The following IHO1 variants were observed in gnomAD, a reference collection of about 807,000 sequenced individuals.
IHO1 encodes the protein interactor of HORMAD1 1.
In IHO1, 13 loss-of-function variants were observed where a neutral mutation model predicts 31.0. That is an observed-to-expected ratio of 0.42 (90% CI 0.27 to 0.67). The LOEUF (loss-of-function observed/expected upper bound fraction) is 0.67. Ranked by LOEUF, IHO1 falls within the 30% of genes least tolerant of loss-of-function variation. The pLI, the probability that IHO1 is intolerant of heterozygous loss-of-function variation, is 0.24. For missense variants in IHO1, 599 were observed against 687.5 expected (o/e 0.87, Z 1.44); for synonymous variants, 221 against 248.4 (o/e 0.89, Z 1.04).
At chr3:49,214,065 A>G (rs1212089016) in intron 2 of IHO1, 1 of 233,018 alleles carries the variant, frequency 4.3e-6, no homozygotes, top group East Asian at 1.2e-4. Flanking sequence ...TGCTTTTTTT[A>G]TTCTGTCCAT....
At chr3:49,241,054 AT>A (rs1245996701) in intron 3 of IHO1, among the ~76,000 whole-genome samples, 171 bp from the exon 4 acceptor site, 1 of 152,206 alleles carries the variant, frequency 6.6e-6, no homozygotes, top group Non-Finnish European at 1.5e-5. Context: ...CAGTTGCTTT[AT>A]TTTAAATATA....
chr3:49,245,871 G>T (rs2046687190), intron 6 of IHO1: 1 of 152,124 alleles, frequency 6.6e-6, no homozygotes, highest in African/African-American at 2.4e-5. Flanking sequence ...CACACACAGG[G>T]CATATGCATC....
intron 3 of IHO1, among the ~76,000 whole-genome samples, chr3:49,237,503 A>T (rs908687830): frequency 1.3e-5 from 2 of 152,186 alleles, no homozygotes; most frequent in South Asian, 2.1e-4. Context: ...CATTTGACTT[A>T]ATAGTCTGAA....
At chr3:49,226,163 C>T (rs2107705872) in intron 2 of IHO1, among the ~76,000 whole-genome samples, 1 of 152,270 alleles carries the variant, frequency 6.6e-6, no homozygotes, top group East Asian at 1.9e-4. Context: ...GTTGGTTTGT[C>T]TGAGTGCCAT....
upstream of IHO1, among the ~76,000 whole-genome samples, chr3:49,197,683 T>G (rs2046007698): frequency 6.6e-6 from 1 of 152,002 alleles, no homozygotes; most frequent in Non-Finnish European, 1.5e-5. Context: ...GAGACCAGCC[T>G]GACCAACATG....
chr3:49,247,986 G>A (rs538137487), intron 6 of IHO1, among the ~76,000 whole-genome samples: 194 of 151,984 alleles, frequency 1.3e-3, no homozygotes, highest in Non-Finnish European at 2.5e-3. Flanking sequence ...TTAGCCATGC[G>A]TGATGGCTGG....
chr3:49,239,853 GT>G (rs1460806822), intron 3 of IHO1, among the ~76,000 whole-genome samples: 1 of 151,846 alleles, frequency 6.6e-6, no homozygotes, highest in Non-Finnish European at 1.5e-5. Context: ...TAGAGACGGG[GT>G]TTCTCCATGT....
chr3:49,191,536 C>A, the IHO1 span: 1 of 686,984 alleles, frequency 1.5e-6, no homozygotes, highest in Non-Finnish European at 2.7e-6. Context: ...TTCAGGAGAC[C>A]ATGATGCATG....
intron 4 of IHO1, among the ~76,000 whole-genome samples, chr3:49,243,484 C>T (rs1034648365): frequency 2.0e-5 from 3 of 151,832 alleles, no homozygotes; most frequent in Non-Finnish European, 2.9e-5. Flanking sequence ...TGTGGCCAGG[C>T]GCGGTGGCTC....
chr3:49,222,673 T>C (rs2046366971), intron 2 of IHO1, among the ~76,000 whole-genome samples: 1 of 152,224 alleles, frequency 6.6e-6, no homozygotes, highest in Non-Finnish European at 1.5e-5. Context: ...AGGTTTTCAC[T>C]TATCTTTTTT....
intron 3 of IHO1, among the ~76,000 whole-genome samples, chr3:49,238,140 A>G (rs779801657): frequency 1.1e-4 from 16 of 151,768 alleles, no homozygotes; most frequent in Non-Finnish European, 2.2e-4. Context: ...CTAACCTCAG[A>G]TGATCTGCTC....
chr3:49,200,496 A>G lies in IHO1; in HGVS notation c.-16+923A>G, dbSNP rs1472387031. The G allele has an allele frequency of 1.4e-5, 10 of 735,534 alleles. No homozygotes were observed. In the East Asian group the frequency reaches 4.0e-4, roughly 29 times the overall value. 45.6% of individuals were successfully genotyped at this position (735,534 alleles called of 1,614,324 possible). On this transcript the variant is annotated intron_variant, in intron 1 of 7. Coordinates refer to ENST00000452691, the MANE Select transcript of IHO1 (RefSeq NM_001135197.2). Reference sequence around the variant, plus strand: ...AAAAAAAAGAAAGAAAGAAAGAAAGAAAGAAAGAAAGAAAGAAAGAAAAGA... The same window carrying G: ...AAAAAAAAGAAAGAAAGAAAGAAAGGAAGAAAGAAAGAAAGAAAGAAAAGA...
intron 2 of IHO1, among the ~76,000 whole-genome samples, chr3:49,235,528 G>A (rs1470299175): frequency 5.3e-5 from 8 of 151,880 alleles, no homozygotes; most frequent in African/African-American, 1.7e-4. Context: ...GCACCCGGCC[G>A]ATTATATATA....
In IHO1 at chr3:49,241,256, A is replaced by G; in HGVS notation, c.262A>G (p.Thr88Ala). 1.2e-6 allele frequency: 2 copies of G among 1,612,128 alleles called. No homozygotes were observed. The highest frequency in any genetic ancestry group is 1.7e-6 in the Non-Finnish European group (2 of 1,179,408). ...ACCTAGCATTTTCACAAAGTACCAG[A>G]CAAAGCCCCAGCTGTTCGGAGGAGA... ...GEPSIFTKYQ[T>A]KPQLFGGDIK... Residue 88 changes from threonine to alanine, a missense_variant, in exon 4 of 8, where the codon ACA becomes GCA. By Grantham distance (58) the Thr-to-Ala change is moderately conservative. Transcript: ENST00000452691.
chr3:49,255,704 C>A (rs1453778529), intron 7 of IHO1, among the ~76,000 whole-genome samples: 2 of 151,894 alleles, frequency 1.3e-5, no homozygotes, highest in Non-Finnish European at 2.9e-5. Flanking sequence ...GTGTGCACCA[C>A]CACGCCCAGC....
chr3:49,237,551 A>G (rs2046574751), intron 3 of IHO1, among the ~76,000 whole-genome samples: 1 of 152,188 alleles, frequency 6.6e-6, no homozygotes, highest in Admixed American at 6.5e-5. Flanking sequence ...TCTATTACAA[A>G]GCAACGTAAA....
chr3:49,192,007 G>A, the IHO1 span: 3 of 587,028 alleles, frequency 5.1e-6, no homozygotes, highest in African/African-American at 5.6e-5. Flanking sequence ...AGCCTGAAGA[G>A]CCCTTATATA....
chr3:49,226,055 T>C (rs554215911), intron 2 of IHO1, among the ~76,000 whole-genome samples: 3 of 152,318 alleles, frequency 2.0e-5, no homozygotes, highest in African/African-American at 4.8e-5. Context: ...TCGTTTCTCA[T>C]TGGACACTCT....
chr3:49,243,744 C>T (rs1276023703), intron 4 of IHO1, among the ~76,000 whole-genome samples: 7 of 110,634 alleles, frequency 6.3e-5, no homozygotes, highest in Admixed American at 2.5e-4. Flanking sequence ...GGTGACGGAG[C>T]GAGACTCTGT....
Sources: gnomAD v4.1 joint callset for allele counts (sites outside exome capture counted in the v4.1 genomes callset) on GRCh38, gnomAD v4.1.1 for gene constraint, MANE v1.5 for transcripts, NCBI Gene and HGNC (gene_info 2026-07-23, HGNC 2026-07-21) for gene names.